RANBP17: variants seen among roughly 807,000 people sequenced by gnomAD.
RANBP17 encodes the protein ran-binding protein 17.
Under a neutral mutation model 141.2 loss-of-function variants are expected in RANBP17, and 158 were observed. That is an observed-to-expected ratio of 1.12 (90% CI 0.98 to 1.28). RANBP17 has a LOEUF of 1.28. Ranked by LOEUF, RANBP17 falls within the 50% of genes most tolerant of loss-of-function variation. RANBP17 has a pLI of 0.00. For missense variants in RANBP17, 1,438 were observed against 1,290.7 expected (o/e 1.11, Z -1.75); for synonymous variants, 430 against 450.0 (o/e 0.96, Z 0.56).
At chr5:171,160,615 A>G (rs925270898) in intron 14 of RANBP17, among the ~76,000 whole-genome samples, 1 of 152,118 alleles carries the variant, frequency 6.6e-6, no homozygotes, top group Non-Finnish European at 1.5e-5. Flanking sequence ...GGGCTTCAGA[A>G]TCTATTCCTA....
At chr5:171,030,359 A>G (rs1781478894) in intron 14 of RANBP17, among the ~76,000 whole-genome samples, 1 of 152,088 alleles carries the variant, frequency 6.6e-6, no homozygotes, top group African/African-American at 2.4e-5. Context: ...AGTCTATATT[A>G]GGACAACTAA....
intron 18 of RANBP17, among the ~76,000 whole-genome samples, chr5:171,187,579 ATGTCGACTT>A (rs779729193): frequency 3.3e-5 from 5 of 152,162 alleles, no homozygotes; most frequent in Non-Finnish European, 5.9e-5. Flanking sequence ...AAAATGCTAA[ATGTCGACTT>A]TGGGTTGTAG....
intron 14 of RANBP17, among the ~76,000 whole-genome samples, chr5:171,160,454 T>C (rs1046358752): frequency 1.3e-5 from 2 of 152,174 alleles, no homozygotes; most frequent in African/African-American, 4.8e-5. Flanking sequence ...AGGACTGTTA[T>C]AGGTCCTTCA....
At chr5:170,867,698 G>A (rs1445990210) in intron 1 of RANBP17, among the ~76,000 whole-genome samples, 1 of 152,084 alleles carries the variant, frequency 6.6e-6, no homozygotes, top group Non-Finnish European at 1.5e-5. Flanking sequence ...TTTACTATTA[G>A]GGAACATTTA....
Position 171,088,627 on chromosome 5 carries a change from C to T in RANBP17, c.1711-81503C>T, listed in dbSNP as rs1385630748. 1.1e-4 allele frequency among the ~76,000 whole-genome samples: 16 copies of T among 152,328 alleles called. No homozygotes were observed. In the East Asian group the frequency reaches 3.1e-3, roughly 29 times the overall value. The stretch of plus-strand genomic sequence containing the variant: ...ATCAGACGTAGATTTGGTCTTTTCA[C>T]ATAGTCCCATATTTCTTGGAGGCTT... On this transcript the variant is annotated intron_variant, in intron 14 of 27. Coordinates refer to ENST00000523189, the MANE Select transcript of RANBP17 (RefSeq NM_022897.5).
rs1491431393 is a variant in RANBP17 at position 170,909,577 on chromosome 5, CCT to C, written c.490-83_490-82del. ...ACTTGGGTTCTACTCAAGTTTATTT[CCT>C]TTTTTTTTTTTTTTTTTTTAGTAAA... On this transcript the variant is annotated intron_variant, in intron 5 of 27. Transcript: ENST00000523189. 8.9e-4 allele frequency: 493 copies of C among 550,838 alleles called. 2 individuals are homozygous for C. The African/African-American group carries it at 0.015, about 16-fold the overall frequency. 34.1% of individuals were successfully genotyped at this position (550,838 alleles called of 1,614,324 possible). A position where few individuals can be genotyped will look rare whatever the true frequency, so the allele number is the denominator to read the frequency against.
At chr5:171,249,191 TACTAC>T (rs1765406184) in intron 24 of RANBP17, among the ~76,000 whole-genome samples, 1 of 152,068 alleles carries the variant, frequency 6.6e-6, no homozygotes, top group South Asian at 2.1e-4. Flanking sequence ...AAAGAAATAA[TACTAC>T]ACTACTATAC....
At chr5:171,261,554 T>C (rs4593283) in intron 24 of RANBP17, among the ~76,000 whole-genome samples, 18,736 of 152,254 alleles carry the variant, frequency 0.12, 1,473 homozygotes, top group East Asian at 0.21. Context: ...CAGCTTTCAA[T>C]GATGGGTCTT....
rs191560009 is a variant in RANBP17, at chr5:170,915,146, A to G, written c.834+906A>G. Among the ~76,000 whole-genome samples the G allele has an allele frequency of 1.8e-3, 273 of 152,256 alleles. 1 individual carries two copies. The highest frequency in any genetic ancestry group is 6.1e-3 in the African/African-American group (255 of 41,558). ...GCAACAGTCTTGCTTTTAGTTGTGT[A>G]AAAACCATGGTTTCATGTAATTATG... On this transcript the variant is annotated intron_variant, in intron 8 of 27. Transcript: ENST00000523189.
intron 2 of RANBP17, among the ~76,000 whole-genome samples, chr5:170,881,128 G>T (rs1768641902): frequency 6.6e-6 from 1 of 152,038 alleles, no homozygotes; most frequent in African/African-American, 2.4e-5. Flanking sequence ...CAGCTGAAAA[G>T]CTGTTTAAAA....
At chr5:170,985,110 CACAA>C (rs1352390566) in intron 14 of RANBP17, among the ~76,000 whole-genome samples, 5 of 151,284 alleles carry the variant, frequency 3.3e-5, no homozygotes, top group Non-Finnish European at 7.4e-5. Context: ...CACATATACA[CACAA>C]ACACATACAT....
chr5:171,264,279 A>G (rs528701251), intron 24 of RANBP17, among the ~76,000 whole-genome samples: 63 of 152,252 alleles, frequency 4.1e-4, no homozygotes, highest in African/African-American at 1.4e-3. Context: ...ATAAAAGACT[A>G]CACAATGGGT....
intron 24 of RANBP17, among the ~76,000 whole-genome samples, chr5:171,251,650 C>G (rs1478865614): frequency 6.6e-6 from 1 of 152,010 alleles, no homozygotes; most frequent in East Asian, 1.9e-4. Flanking sequence ...TAGGCTTGAG[C>G]GCCGGTGGCG....
chr5:171,209,096 G>C (rs182304045), intron 20 of RANBP17, among the ~76,000 whole-genome samples: 1 of 152,310 alleles, frequency 6.6e-6, no homozygotes, highest in East Asian at 1.9e-4. Context: ...ACAGGACAGT[G>C]AGTGCATTTA....
intron 21 of RANBP17, among the ~76,000 whole-genome samples, chr5:171,215,802 T>G (rs1581043222): frequency 6.6e-6 from 1 of 152,314 alleles, no homozygotes; most frequent in South Asian, 2.1e-4. Flanking sequence ...ATTCTGGATA[T>G]TAGACCATTG....
At chr5:171,244,951 C>G (rs945248801) in intron 24 of RANBP17, among the ~76,000 whole-genome samples, 1 of 151,944 alleles carries the variant, frequency 6.6e-6, no homozygotes, top group Non-Finnish European at 1.5e-5. Flanking sequence ...CAGTGAAACC[C>G]CGTCTGTACT....
chr5:171,159,820 G>C (rs1213197501), intron 14 of RANBP17, among the ~76,000 whole-genome samples: 1 of 151,412 alleles, frequency 6.6e-6, no homozygotes, highest in African/African-American at 2.4e-5. Context: ...CTACTCGGGA[G>C]GCTGAGGCGG....
At chr5:170,924,138 C>T (rs1242023059) in intron 11 of RANBP17, among the ~76,000 whole-genome samples, 6 of 152,068 alleles carry the variant, frequency 3.9e-5, no homozygotes, top group Admixed American at 3.3e-4. Context: ...ACTGGGATTA[C>T]AGGTGTGTGC....
At chr5:171,119,870 T>A (rs1183459988) in intron 14 of RANBP17, among the ~76,000 whole-genome samples, 1 of 151,736 alleles carries the variant, frequency 6.6e-6, no homozygotes, top group Non-Finnish European at 1.5e-5. Context: ...AGAAACCCCG[T>A]CTCTACTAAA....
Sources: allele counts gnomAD v4.1 joint callset (sites outside exome capture counted in the v4.1 genomes callset), GRCh38; gene constraint gnomAD v4.1.1; transcripts MANE v1.5; gene names NCBI Gene and HGNC (gene_info 2026-07-23, HGNC 2026-07-21).